ASPSCR1: variants seen among roughly 807,000 people sequenced by gnomAD.
ASPSCR1 encodes the protein tether containing UBX domain for GLUT4.
Under a neutral mutation model 68.9 loss-of-function variants are expected in ASPSCR1, and 55 were observed. The ratio of observed to expected loss-of-function variants is 0.80; its 90% CI spans 0.64 to 1.00. The LOEUF (loss-of-function observed/expected upper bound fraction) is 1.00, where lower values mean the gene tolerates loss of function less well. ASPSCR1 is among the 50% of genes least tolerant of loss of function. The pLI, the probability that ASPSCR1 is intolerant of heterozygous loss-of-function variation, is 0.00. For missense variants in ASPSCR1, 765 were observed against 762.2 expected (o/e 1.00, Z -0.04); for synonymous variants, 352 against 332.6 (o/e 1.06, Z -0.63).
chr17:81,981,552 T>C (rs997272385), intron 2 of ASPSCR1, among the ~76,000 whole-genome samples: 8 of 152,136 alleles, frequency 5.3e-5, no homozygotes, highest in African/African-American at 1.9e-4. Context: ...CTAATTTTTG[T>C]ATTTTTAGTA....
At chr17:81,994,935 C>T in intron 5 of ASPSCR1, 57 bp downstream of exon 5, 1 of 1,524,944 alleles carries the variant, frequency 6.6e-7, no homozygotes, top group Non-Finnish European at 8.9e-7. Flanking sequence ...CACTTTCCAA[C>T]TGGAAAATCT....
chr17:81,997,132 C>CGGGATGAGGCCGTGTGGGCTCT (rs1567973432), intron 7 of ASPSCR1, among the ~76,000 whole-genome samples: 4 of 152,162 alleles, frequency 2.6e-5, no homozygotes, highest in African/African-American at 9.6e-5. Context: ...GTGTGGGCTC[C>CGGGATGAGGCCGTGTGGGCTCT]GGGATGAGGC....
At chr17:82,002,257 A>T (rs1598417149) in intron 7 of ASPSCR1, among the ~76,000 whole-genome samples, 2 of 149,166 alleles carry the variant, frequency 1.3e-5, no homozygotes, top group Admixed American at 6.7e-5. Flanking sequence ...TTTTCATTTT[A>T]TTTTATTTTA....
At chr17:81,979,361 A>G in intron 2 of ASPSCR1, 122 bp downstream of exon 2, 2 of 1,086,564 alleles carry the variant, frequency 1.8e-6, no homozygotes, top group Non-Finnish European at 2.8e-6. Flanking sequence ...TTCCCTCCCA[A>G]CTCTGGAGAC....
rs750020079 is a variant in ASPSCR1 at position 82,012,142 on chromosome 17, A to G, written c.1301-89A>G. ...GCTCTTCTGCCCCACTTGAGGCGTC[A>G]CCCCCATCTGCAGGCCTGTCTTCCT... On this transcript the variant is annotated intron_variant, in intron 11 of 15. Coordinates refer to ENST00000306739, the MANE Select transcript of ASPSCR1 (RefSeq NM_024083.4). The G allele has an allele frequency of 2.8e-6, 4 of 1,441,672 alleles. No homozygotes were observed. In the East Asian group the frequency reaches 6.8e-5, roughly 25 times the overall value. The allele number at this position is 1,441,672 out of a possible 1,614,324, so 89.3% of individuals were successfully genotyped here. A position where few individuals can be genotyped will look rare whatever the true frequency, so the allele number is the denominator to read the frequency against.
chr17:81,990,028 G>A lies in ASPSCR1; in HGVS notation c.374+4421G>A, dbSNP rs2042110394. Among the ~76,000 whole-genome samples the A allele has an allele frequency of 6.6e-6, 1 of 152,156 alleles. No homozygotes were observed. The highest frequency in any genetic ancestry group is 6.5e-5 in the Admixed American group (1 of 15,268). On this transcript the variant is annotated intron_variant, in intron 4 of 15. Coordinates refer to ENST00000306739, the MANE Select transcript of ASPSCR1 (RefSeq NM_024083.4). This position sits in a 1 kb window ranked among gnomAD's most constrained non-coding sequence, Gnocchi z 4.1. The stretch of plus-strand genomic sequence containing the variant: ...CTGGTCAGGTGATCAGCCCGCCTCG[G>A]CCTCCCAAAGTGCTGAGATTACAGG...
Position 82,009,555 on chromosome 17 carries a change from G to A in ASPSCR1, c.1158G>A (p.Glu386=), listed in dbSNP as rs1445860969. ...AGGCGCAGATAAAGGAGAAGCTGGA[G>A]CGCTACCCAAAGGTCTGCAGACAGG... ...FREAQIKEKL[E]RYPKVALRVL... The change falls in exon 9 of 16, where the codon GAG becomes GAA. Residue 386 remains glutamate, a synonymous_variant. Transcript: ENST00000306739. 6.3e-7 allele frequency: 1 copy of A among 1,575,638 alleles called. No homozygotes were observed. Among genetic ancestry groups the A allele is most frequent in the Admixed American group, 1.8e-5 (1 of 55,846 alleles).
chr17:81,982,716 TC>T (rs1173105707), intron 2 of ASPSCR1: 1 of 151,964 alleles, frequency 6.6e-6, no homozygotes, highest in Non-Finnish European at 1.5e-5. Context: ...ATTTTTCTTT[TC>T]TTTTCTTTCT....
At chr17:82,010,066 C>G (rs1249527980) in intron 9 of ASPSCR1, 2 of 336,806 alleles carry the variant, frequency 5.9e-6, no homozygotes, top group East Asian at 1.4e-4. Flanking sequence ...CCCGCTACCA[C>G]TAGCTCGGCT....
At position 81,987,044 on chromosome 17, in the gene ASPSCR1, A is replaced by C. The variant is rs2042015598; in HGVS notation, c.374+1437A>C. 1.3e-5 allele frequency among the ~76,000 whole-genome samples: 2 copies of C among 152,074 alleles called. No individual in the cohort carries two copies. The highest frequency in any genetic ancestry group is 4.8e-5 in the African/African-American group (2 of 41,406). The stretch of plus-strand genomic sequence containing the variant: ...TAAGAGCAAAGCCAAAGCCACGGGC[A>C]GGGGTGAGCGGGACCCGAGGCAGGA... On this transcript the variant is annotated intron_variant, in intron 4 of 15. Transcript: ENST00000306739. The surrounding 1 kb of genome is among the most constrained non-coding windows in gnomAD (Gnocchi z 5.6).
Position 81,983,761 on chromosome 17 carries a change from A to AAGG in ASPSCR1, c.273+97_273+99dup, listed in dbSNP as rs2041875066. The AAGG allele has an allele frequency of 9.2e-7, 1 of 1,090,584 alleles. No homozygotes were observed. Among genetic ancestry groups the AAGG allele is most frequent in the Middle Eastern group, 2.7e-4 (1 of 3,768 alleles). 67.6% of individuals were successfully genotyped at this position (1,090,584 alleles called of 1,614,324 possible). A position where few individuals can be genotyped will look rare whatever the true frequency, so the allele number is the denominator to read the frequency against. ...GACGGGACAGTGGGGGGTGCTGGGG[A>AAGG]AGGAGGGACATGAGTCTTAGCACCA... On this transcript the variant is annotated intron_variant, in intron 3 of 15. Coordinates refer to ENST00000306739, the MANE Select transcript of ASPSCR1 (RefSeq NM_024083.4). This position sits in a 1 kb window ranked among gnomAD's most constrained non-coding sequence, Gnocchi z 4.4.
In ASPSCR1 at chr17:81,990,220, CT is replaced by C. The variant is rs2042115943; in HGVS notation, c.375-4599del. ...GTAGAAAAGTGAGCCGTCTCATGCT[CT>C]TGTTGTGCAGAGTCCTTGAGACCTG... On this transcript the variant is annotated intron_variant, in intron 4 of 15. Coordinates refer to ENST00000306739, the MANE Select transcript of ASPSCR1 (RefSeq NM_024083.4). This position sits in a 1 kb window ranked among gnomAD's most constrained non-coding sequence, Gnocchi z 4.1. Among the ~76,000 whole-genome samples, 1 of 152,216 alleles carries C rather than the reference CT, an allele frequency of 6.6e-6. No individual in the cohort carries two copies. Among genetic ancestry groups the C allele is most frequent in the African/African-American group, 2.4e-5 (1 of 41,446 alleles).
intron 3 of ASPSCR1, among the ~76,000 whole-genome samples, chr17:81,985,076 A>ACG (rs1384335690): frequency 9.5e-5 from 13 of 137,318 alleles, no homozygotes; most frequent in African/African-American, 3.6e-4. Flanking sequence ...ACACCTGTAC[A>ACG]CACACACCTA....
At position 82,016,222 on chromosome 17, in the gene ASPSCR1, C is replaced by T. The variant is rs559399454; in HGVS notation, c.1354-254C>T. 209 of 549,872 alleles carry T rather than the reference C, an allele frequency of 3.8e-4. 1 individual carries two copies. Among genetic ancestry groups the T allele is most frequent in the South Asian group, 2.1e-3 (86 of 40,786 alleles). 34.1% of individuals were successfully genotyped at this position (549,872 alleles called of 1,614,324 possible). On this transcript the variant is annotated intron_variant, in intron 12 of 15. Transcript: ENST00000306739. ...TGATGCTGCATGGCTTGAGGACCCTCGAGGCCCCAGCCTTCAGCTGGCTTG... is the reference window on the plus strand; with the variant it reads ...TGATGCTGCATGGCTTGAGGACCCTTGAGGCCCCAGCCTTCAGCTGGCTTG...
intron 3 of ASPSCR1, among the ~76,000 whole-genome samples, chr17:81,984,983 CCTG>C (rs1405781286): frequency 7.9e-6 from 1 of 126,056 alleles, no homozygotes; most frequent in Non-Finnish European, 1.6e-5. Context: ...CACCCACACA[CCTG>C]CGTGCACACC....
intron 2 of ASPSCR1, among the ~76,000 whole-genome samples, chr17:81,981,771 C>T (rs909055839): frequency 5.9e-5 from 9 of 152,142 alleles, no homozygotes; most frequent in East Asian, 5.8e-4. Flanking sequence ...CGGGTTCAAG[C>T]GATTATTGTG....
intron 7 of ASPSCR1, among the ~76,000 whole-genome samples, chr17:82,002,076 C>T (rs1260160576): frequency 3.6e-5 from 5 of 138,362 alleles, no homozygotes; most frequent in Non-Finnish European, 7.5e-5. Context: ...GGCACAATTA[C>T]GGCTCACAGC....
At chr17:82,001,106 C>T (rs553517507) in intron 7 of ASPSCR1, among the ~76,000 whole-genome samples, 7 of 152,134 alleles carry the variant, frequency 4.6e-5, no homozygotes, top group South Asian at 4.2e-4. Flanking sequence ...GTGTGGGACT[C>T]GTGGGGCGGG....
At chr17:81,979,472 G>A (rs1352151073) in intron 2 of ASPSCR1, among the ~76,000 whole-genome samples, 1 of 152,170 alleles carries the variant, frequency 6.6e-6, no homozygotes, top group Non-Finnish European at 1.5e-5. Context: ...GTGGCTTGTG[G>A]CCGCATTGCT....
Sources: allele counts gnomAD v4.1 joint callset (sites outside exome capture counted in the v4.1 genomes callset), GRCh38; gene constraint gnomAD v4.1.1; non-coding constraint Gnocchi (gnomAD v3.1); transcripts MANE v1.5; gene names NCBI Gene and HGNC (gene_info 2026-07-23, HGNC 2026-07-21).